SOX9: variants seen among roughly 807,000 people sequenced by gnomAD.
The protein encoded by SOX9 is SRY-box transcription factor 9, also known as transcription factor SOX-9.
In SOX9, 2 loss-of-function variants were observed where a neutral mutation model predicts 44.8. The ratio of observed to expected loss-of-function variants is 0.04; its 90% CI spans 0.02 to 0.14. The LOEUF is 0.14. SOX9 is among the 10% of genes least tolerant of loss of function. The probability of loss-of-function intolerance (pLI) is 1.00; values close to 1 mark genes in which losing one functional copy is unlikely to be tolerated. For missense variants in SOX9, 583 were observed against 728.6 expected (o/e 0.80, Z 2.30); for synonymous variants, 381 against 331.8 (o/e 1.15, Z -1.61).
At position 72,121,917 on chromosome 17, in the gene SOX9, C is replaced by T. The variant is rs775677838; in HGVS notation, c.431+95C>T. 3 of 1,398,924 alleles carry T rather than the reference C, an allele frequency of 2.1e-6. No individual in the cohort carries two copies. Among genetic ancestry groups the T allele is most frequent in the African/African-American group, 1.5e-5 (1 of 68,764 alleles). The allele number at this position is 1,398,924 out of a possible 1,614,324, so 86.7% of individuals were successfully genotyped here. On this transcript the variant is annotated intron_variant, in intron 1 of 2. Transcript: ENST00000245479. The surrounding 1 kb of genome is among the most constrained non-coding windows in gnomAD (Gnocchi z 8.3). Reference sequence around the variant, plus strand: ...TTGCCCCGCCCCGCCTCCCATCGCCCGGGAGTTGCCGTTCCGGGAGCCGGC... The same window carrying T: ...TTGCCCCGCCCCGCCTCCCATCGCCTGGGAGTTGCCGTTCCGGGAGCCGGC...
rs1194331935 is a variant in SOX9 at position 72,121,831 on chromosome 17, C to G, written c.431+9C>G. 6.5e-7 allele frequency: 1 copy of G among 1,548,020 alleles called. No homozygotes were observed. Among genetic ancestry groups the G allele is most frequent in the African/African-American group, 1.4e-5 (1 of 73,472 alleles). The stretch of plus-strand genomic sequence containing the variant: ...CTGGGCAAGCTCTGGAGGTAGGACC[C>G]GGCGGGGGCGGCGCGGCAGGGTGGG... On this transcript the variant is annotated intron_variant, in intron 1 of 2. Coordinates refer to ENST00000245479, the MANE Select transcript of SOX9 (RefSeq NM_000346.4). The surrounding 1 kb of genome is among the most constrained non-coding windows in gnomAD (Gnocchi z 8.3).
Position 72,123,952 on chromosome 17 carries a change from GCCCCCACAGCAGCCGGCGGCA to G in SOX9, c.1101_1121del (p.Ala371_Pro377del), listed in dbSNP as rs753262382. On this transcript the variant is annotated inframe_deletion, in exon 3 of 3. Coordinates refer to ENST00000245479, the MANE Select transcript of SOX9 (RefSeq NM_000346.4). This position sits in a 1 kb window ranked among gnomAD's most constrained non-coding sequence, Gnocchi z 6.5. ...AGGCGCCCCCGCAGCCGCAGGCGGC[GCCCCCACAGCAGCCGGCGGCA>G]CCCCCGCAGCAGCCACAGGCGCACA... The G allele has an allele frequency of 2.4e-5, 34 of 1,392,586 alleles. No individual in the cohort carries two copies. Among genetic ancestry groups the G allele is most frequent in the African/African-American group, 2.2e-4 (15 of 67,320 alleles). The allele number at this position is 1,392,586 out of a possible 1,614,324, so 86.3% of individuals were successfully genotyped here. A position where few individuals can be genotyped will look rare whatever the true frequency, so the allele number is the denominator to read the frequency against.
At position 72,122,886 on chromosome 17, in the gene SOX9, C is replaced by G. The variant is rs2143246648; in HGVS notation, c.599C>G (p.Pro200Arg). The change falls in exon 2 of 3, where the codon CCC becomes CGC. Residue 200 changes from proline (P) to arginine (R), a missense_variant. Pro to Arg is a moderately radical substitution (Grantham distance 103, BLOSUM62 -2). Around this residue, in one of 7 missense-constraint regions of SOX9, gnomAD observed 88 missense variants for 65.5 expected, o/e 1.34. Coordinates refer to ENST00000245479, the MANE Select transcript of SOX9 (RefSeq NM_000346.4). ...EEATEQTHISPNAIFKALQAD... is the reference protein window; with the variant it reads ...EEATEQTHISRNAIFKALQAD... ...GCCACGGAGCAGACGCACATCTCCCCCAACGCCATCTTCAAGGCGCTGCAG... is the reference window on the plus strand; with the variant it reads ...GCCACGGAGCAGACGCACATCTCCCGCAACGCCATCTTCAAGGCGCTGCAG... 1.2e-6 allele frequency: 2 copies of G among 1,614,188 alleles called. No homozygotes were observed. Among genetic ancestry groups the G allele is most frequent in the Non-Finnish European group, 1.7e-6 (2 of 1,180,032 alleles).
Position 72,123,032 on chromosome 17 carries a change from G to C in SOX9, c.685+60G>C, listed in dbSNP as rs1374796043. On this transcript the variant is annotated intron_variant, in intron 2 of 2. Coordinates refer to ENST00000245479, the MANE Select transcript of SOX9 (RefSeq NM_000346.4). The surrounding 1 kb of genome is among the most constrained non-coding windows in gnomAD (Gnocchi z 6.5). Reference sequence around the variant, plus strand: ...CTCCGTCCCGCCTGGCACACCCCCTGCCCTCCGCCTGGGAGATTCTTCGTG... The same window carrying C: ...CTCCGTCCCGCCTGGCACACCCCCTCCCCTCCGCCTGGGAGATTCTTCGTG... 1.3e-6 allele frequency: 2 copies of C among 1,593,224 alleles called. No homozygotes were observed. The highest frequency in any genetic ancestry group is 2.7e-5 in the African/African-American group (2 of 74,668).
In SOX9 at chr17:72,124,659, A is replaced by G; in HGVS notation, c.*272A>G. The G allele has an allele frequency of 1.8e-6, 1 of 557,728 alleles. No homozygotes were observed. The highest frequency in any genetic ancestry group is 3.2e-6 in the Non-Finnish European group (1 of 310,480). The allele number at this position is 557,728 out of a possible 1,614,324, so 34.5% of individuals were successfully genotyped here. On this transcript the variant is annotated 3_prime_UTR_variant, in exon 3 of 3. Transcript: ENST00000245479. The surrounding 1 kb of genome is among the most constrained non-coding windows in gnomAD (Gnocchi z 4.6). ...AACCTTGGCTAAATGGAGCAGCGAAATCAACGAGAAACTGGACTTTTTAAA... is the reference window on the plus strand; with the variant it reads ...AACCTTGGCTAAATGGAGCAGCGAAGTCAACGAGAAACTGGACTTTTTAAA...
rs1247722604 is a variant in SOX9 at position 72,125,769 on chromosome 17, T to C, written c.*1382T>C. ...CCTTTTTGTCCATCCCTTTTTTCTT[T>C]GTTGTTTTTGTTGAAAACAAACTGG... On this transcript the variant is annotated 3_prime_UTR_variant, in exon 3 of 3. Transcript: ENST00000245479. 4.4e-6 allele frequency: 1 copy of C among 228,100 alleles called. No individual in the cohort carries two copies. The highest frequency in any genetic ancestry group is 5.7e-5 in the Admixed American group (1 of 17,600). 14.1% of individuals were successfully genotyped at this position (228,100 alleles called of 1,614,324 possible). A position where few individuals can be genotyped will look rare whatever the true frequency, so the allele number is the denominator to read the frequency against.
rs1262457307 is a variant in SOX9, at chr17:72,123,427, G to A, written c.686-116G>A. 1.4e-6 allele frequency: 2 copies of A among 1,427,640 alleles called. No homozygotes were observed. The highest frequency in any genetic ancestry group is 1.7e-5 in the Admixed American group (1 of 58,500). 88.4% of individuals were successfully genotyped at this position (1,427,640 alleles called of 1,614,324 possible). The stretch of plus-strand genomic sequence containing the variant: ...CCGGTGCAGCGCGCCTCTTGCGCGG[G>A]TGCGGGCCCTTATTACACTTTAGCA... On this transcript the variant is annotated intron_variant, in intron 2 of 2. Coordinates refer to ENST00000245479, the MANE Select transcript of SOX9 (RefSeq NM_000346.4). This position sits in a 1 kb window ranked among gnomAD's most constrained non-coding sequence, Gnocchi z 6.5.
At position 72,123,111 on chromosome 17, in the gene SOX9, C is replaced by T; in HGVS notation, c.685+139C>T. 2 of 1,005,126 alleles carry T rather than the reference C, an allele frequency of 2.0e-6. No individual in the cohort carries two copies. The highest frequency in any genetic ancestry group is 3.0e-6 in the Non-Finnish European group (2 of 673,624). 62.3% of individuals were successfully genotyped at this position (1,005,126 alleles called of 1,614,324 possible). The stretch of plus-strand genomic sequence containing the variant: ...ACTGCCCTTTGCGCCCGTCCCGCTC[C>T]CCTCTCTACCCAGAGCCTAAGAGGC... On this transcript the variant is annotated intron_variant, in intron 2 of 2. Coordinates refer to ENST00000245479, the MANE Select transcript of SOX9 (RefSeq NM_000346.4). The surrounding 1 kb of genome is among the most constrained non-coding windows in gnomAD (Gnocchi z 6.5).
In SOX9 at chr17:72,123,092, C is replaced by T; in HGVS notation, c.685+120C>T. 3 of 1,293,750 alleles carry T rather than the reference C, an allele frequency of 2.3e-6. No individual in the cohort carries two copies. Among genetic ancestry groups the T allele is most frequent in the Middle Eastern group, 1.9e-4 (1 of 5,244 alleles). 80.1% of individuals were successfully genotyped at this position (1,293,750 alleles called of 1,614,324 possible). A position where few individuals can be genotyped will look rare whatever the true frequency, so the allele number is the denominator to read the frequency against. On this transcript the variant is annotated intron_variant, in intron 2 of 2. Coordinates refer to ENST00000245479, the MANE Select transcript of SOX9 (RefSeq NM_000346.4). The surrounding 1 kb of genome is among the most constrained non-coding windows in gnomAD (Gnocchi z 6.5). ...TGCTTCCCGGGAGGGACACACTGCC[C>T]TTTGCGCCCGTCCCGCTCCCCTCTC...
rs745665708 is a variant in SOX9, at chr17:72,122,709, C to T, written c.432-10C>T. On this transcript the variant is annotated splice_polypyrimidine_tract_variant and intron_variant, in intron 1 of 2. Transcript: ENST00000245479. ...CTTTTTCTCTGTGCCCCCCGCCCCGCCCCGAGCAGACTTCTGAACGAGAGC... is the reference window on the plus strand; with the variant it reads ...CTTTTTCTCTGTGCCCCCCGCCCCGTCCCGAGCAGACTTCTGAACGAGAGC... The T allele has an allele frequency of 2.5e-6, 4 of 1,613,582 alleles. No homozygotes were observed. Among genetic ancestry groups the T allele is most frequent in the African/African-American group, 2.7e-5 (2 of 74,900 alleles).
chr17:72,124,141 C>T lies in SOX9; in HGVS notation c.1284C>T (p.Tyr428=), dbSNP rs1040565881. Residue 428 remains tyrosine (Y), a synonymous_variant, in exon 3 of 3, where the codon TAC becomes TAT. Transcript: ENST00000245479. This position sits in a 1 kb window ranked among gnomAD's most constrained non-coding sequence, Gnocchi z 4.6. ...ACAGCCCCTTCAACCTCCCACACTA[C>T]AGCCCCTCCTACCCGCCCATCACCC... ...IAYSPFNLPH[Y]SPSYPPITRS... The T allele has an allele frequency of 6.2e-7, 1 of 1,613,872 alleles. No homozygotes were observed. The highest frequency in any genetic ancestry group is 1.7e-5 in the Admixed American group (1 of 60,030).
At position 72,121,840 on chromosome 17, in the gene SOX9, C is replaced by T. The variant is rs1474163241; in HGVS notation, c.431+18C>T. 5 of 1,540,890 alleles carry T rather than the reference C, an allele frequency of 3.2e-6. No individual in the cohort carries two copies. Among genetic ancestry groups the T allele is most frequent in the Admixed American group, 2.0e-5 (1 of 50,116 alleles). ...CTCTGGAGGTAGGACCCGGCGGGGGCGGCGCGGCAGGGTGGGCATCGCGGC... is the reference window on the plus strand; with the variant it reads ...CTCTGGAGGTAGGACCCGGCGGGGGTGGCGCGGCAGGGTGGGCATCGCGGC... On this transcript the variant is annotated intron_variant, in intron 1 of 2. Coordinates refer to ENST00000245479, the MANE Select transcript of SOX9 (RefSeq NM_000346.4). This position sits in a 1 kb window ranked among gnomAD's most constrained non-coding sequence, Gnocchi z 8.3.
Position 72,121,703 on chromosome 17 carries a change from C to T in SOX9, c.312C>T (p.His104=), listed in dbSNP as rs2143239743. ...ACGGCTCCAGCAAGAACAAGCCGCA[C>T]GTCAAGCGGCCCATGAACGCCTTCA... ...RVNGSSKNKP[H]VKRPMNAFMV... The change falls in exon 1 of 3, where the codon CAC becomes CAT. Residue 104 remains histidine (H), a synonymous_variant. Coordinates refer to ENST00000245479, the MANE Select transcript of SOX9 (RefSeq NM_000346.4). This position sits in a 1 kb window ranked among gnomAD's most constrained non-coding sequence, Gnocchi z 8.3. 6.2e-7 allele frequency: 1 copy of T among 1,604,578 alleles called. No individual in the cohort carries two copies. Among genetic ancestry groups the T allele is most frequent in the East Asian group, 2.2e-5 (1 of 44,460 alleles).
rs1567911418 is a variant in SOX9 at position 72,123,920 on chromosome 17, G to GCCCCGCAGGCGC, written c.1072_1083dup (p.Ala358_Gln361dup). The GCCCCGCAGGCGC allele has an allele frequency of 6.2e-6, 8 of 1,290,448 alleles. No homozygotes were observed. Among genetic ancestry groups the GCCCCGCAGGCGC allele is most frequent in the Non-Finnish European group, 7.8e-6 (8 of 1,027,602 alleles). The allele number at this position is 1,290,448 out of a possible 1,614,324, so 79.9% of individuals were successfully genotyped here. A position where few individuals can be genotyped will look rare whatever the true frequency, so the allele number is the denominator to read the frequency against. On this transcript the variant is annotated inframe_insertion, in exon 3 of 3. Transcript: ENST00000245479. The surrounding 1 kb of genome is among the most constrained non-coding windows in gnomAD (Gnocchi z 6.5). ...GCAGCAGCCCCCACAGGCCCCGCCG[G>GCCCCGCAGGCGC]CCCCGCAGGCGCCCCCGCAGCCGCA...
chr17:72,122,144 G>T (rs1908115844), intron 1 of SOX9, among the ~76,000 whole-genome samples: 1 of 152,268 alleles, frequency 6.6e-6, no homozygotes, highest in South Asian at 2.1e-4. Context: ...CTCAATCGGG[G>T]CGGGGAAGTG....
In SOX9 at chr17:72,124,465, C is replaced by G. The variant is rs1908221492; in HGVS notation, c.*78C>G. ...AAGAAAGAGAGGACCAACCAGAATT[C>G]CCTTTGGACATTTGTGTTTTTTTGT... is the stretch of plus-strand genomic sequence containing the variant. On this transcript the variant is annotated 3_prime_UTR_variant, in exon 3 of 3. Transcript: ENST00000245479. The surrounding 1 kb of genome is among the most constrained non-coding windows in gnomAD (Gnocchi z 4.6). 6.7e-7 allele frequency: 1 copy of G among 1,496,806 alleles called. No homozygotes were observed. Among genetic ancestry groups the G allele is most frequent in the African/African-American group, 1.4e-5 (1 of 73,132 alleles). 92.7% of individuals were successfully genotyped at this position (1,496,806 alleles called of 1,614,324 possible). A position where few individuals can be genotyped will look rare whatever the true frequency, so the allele number is the denominator to read the frequency against.
Position 72,123,118 on chromosome 17 carries a change from T to C in SOX9, c.685+146T>C. On this transcript the variant is annotated intron_variant, in intron 2 of 2. Coordinates refer to ENST00000245479, the MANE Select transcript of SOX9 (RefSeq NM_000346.4). The surrounding 1 kb of genome is among the most constrained non-coding windows in gnomAD (Gnocchi z 6.5). ...TTTGCGCCCGTCCCGCTCCCCTCTC[T>C]ACCCAGAGCCTAAGAGGCATCCAAA... 1.0e-6 allele frequency: 1 copy of C among 963,904 alleles called. No homozygotes were observed. The highest frequency in any genetic ancestry group is 2.1e-5 in the Admixed American group (1 of 48,334). The allele number at this position is 963,904 out of a possible 1,614,324, so 59.7% of individuals were successfully genotyped here. A position where few individuals can be genotyped will look rare whatever the true frequency, so the allele number is the denominator to read the frequency against.
chr17:72,121,817 C>A lies in SOX9; in HGVS notation c.426C>A (p.Leu142=), dbSNP rs1255141683. 1 of 1,578,278 alleles carries A rather than the reference C, an allele frequency of 6.3e-7. No individual in the cohort carries two copies. The highest frequency in any genetic ancestry group is 8.6e-7 in the Non-Finnish European group (1 of 1,162,706). The change falls in exon 1 of 3, where the codon CTC becomes CTA. Residue 142 remains leucine (L), a synonymous_variant. Transcript: ENST00000245479. This position sits in a 1 kb window ranked among gnomAD's most constrained non-coding sequence, Gnocchi z 8.3. ...NAELSKTLGK[L]WRLLNESEKR... ...AGCTCAGCAAGACGCTGGGCAAGCT[C>A]TGGAGGTAGGACCCGGCGGGGGCGG...
chr17:72,123,537 CCA>C lies in SOX9; in HGVS notation c.686-3_686-2del. The C allele has an allele frequency of 5.0e-6, 8 of 1,614,164 alleles. No homozygotes were observed. Among genetic ancestry groups the C allele is most frequent in the Non-Finnish European group, 6.8e-6 (8 of 1,180,010 alleles). ...TTTCTCGTGCTTGTTCTTTTATTGTCCACAGGGCAATCCCAGGGCCCACCGAC... is the reference window on the plus strand; with the variant it reads ...TTTCTCGTGCTTGTTCTTTTATTGTCCAGGGCAATCCCAGGGCCCACCGAC... On this transcript the variant is annotated splice_polypyrimidine_tract_variant and splice_region_variant and intron_variant, in intron 2 of 2. Transcript: ENST00000245479. The surrounding 1 kb of genome is among the most constrained non-coding windows in gnomAD (Gnocchi z 6.5).
Sources: allele counts gnomAD v4.1 joint callset (sites outside exome capture counted in the v4.1 genomes callset), GRCh38; gene constraint gnomAD v4.1.1; regional missense constraint gnomAD v4.1.1; non-coding constraint Gnocchi (gnomAD v3.1); transcripts MANE v1.5; gene names NCBI Gene and HGNC (gene_info 2026-07-23, HGNC 2026-07-21).